PRR5L: variants seen among roughly 807,000 people sequenced by gnomAD.
PRR5L encodes proline rich 5 like, also known as proline-rich protein 5-like.
In PRR5L, 21 loss-of-function variants were observed where a neutral mutation model predicts 36.4. The observed-to-expected ratio is 0.58, with a 90% CI of 0.41 to 0.83. The LOEUF (loss-of-function observed/expected upper bound fraction) is 0.83. Among genes scored for constraint, PRR5L ranks in the 40% least tolerant of loss-of-function variants. PRR5L has a pLI of 0.00. For synonymous variants in PRR5L, 188 were observed against 197.0 expected, an observed-to-expected ratio of 0.95 and a Z score of 0.38; for missense variants, 381 against 473.3, an observed-to-expected ratio of 0.80 and a Z score of 1.81.
intron 8 of PRR5L, among the ~76,000 whole-genome samples, chr11:36,456,794 G>A (rs1414972709): frequency 6.6e-6 from 1 of 152,266 alleles, no homozygotes; most frequent in African/African-American, 2.4e-5. Context: ...TCGTGCCCCT[G>A]ACATGTGAAC....
At chr11:36,445,727 C>G (rs1858814673) in intron 6 of PRR5L, among the ~76,000 whole-genome samples, 1 of 152,134 alleles carries the variant, frequency 6.6e-6, no homozygotes, top group Non-Finnish European at 1.5e-5. Flanking sequence ...TAGAATCATG[C>G]CTAGCACATA....
chr11:36,462,526 C>T lies in PRR5L; in HGVS notation c.897C>T (p.Ile299=). The T allele has an allele frequency of 1.2e-6, 2 of 1,608,558 alleles. No individual in the cohort carries two copies. The highest frequency in any genetic ancestry group is 2.2e-5 in the South Asian group (2 of 90,248). The change falls in exon 9 of 9, where the codon ATC becomes ATT. Residue 299 remains isoleucine (I), a synonymous_variant. Transcript: ENST00000530639. ...RHTVANAHSD[I]QLLAMATMMH... ...CGGTGGCCAATGCCCACTCGGACAT[C>T]CAGCTGCTGGCCATGGCCACCATGA...
Position 36,463,026 on chromosome 11 carries a change from T to G in PRR5L, c.*290T>G, listed in dbSNP as rs1859224821. The G allele has an allele frequency of 3.0e-6, 1 of 329,776 alleles. No individual in the cohort carries two copies. Among genetic ancestry groups the G allele is most frequent in the Non-Finnish European group, 5.5e-6 (1 of 181,140 alleles). 20.4% of individuals were successfully genotyped at this position (329,776 alleles called of 1,614,324 possible). Reference sequence around the variant, plus strand: ...TCAGATCCTCATCTCTGGGCCTTTCTCCCTCCGATGTTGGACTGCCTGATG... The same window carrying G: ...TCAGATCCTCATCTCTGGGCCTTTCGCCCTCCGATGTTGGACTGCCTGATG... On this transcript the variant is annotated 3_prime_UTR_variant, in exon 9 of 9. Transcript: ENST00000530639.
intron 2 of PRR5L, 69 bp downstream of exon 2, chr11:36,401,354 G>A: frequency 6.9e-7 from 1 of 1,457,490 alleles, no homozygotes; most frequent in Admixed American, 1.9e-5. Context: ...GGCATCCGGG[G>A]GCTGACTGAG....
chr11:36,296,297 G>A lies in PRR5L; in HGVS notation c.-267G>A, dbSNP rs1856310513. On this transcript the variant is annotated 5_prime_UTR_variant, in exon 1 of 9. Coordinates refer to ENST00000530639, the MANE Select transcript of PRR5L (RefSeq NM_001160167.2). The stretch of plus-strand genomic sequence containing the variant: ...TGCCTGCTTCTCTGTCAGTCTTCAG[G>A]CCCCAGGTCAGTGAGTGGCAAGCCA... 1 of 152,074 alleles carries A rather than the reference G, an allele frequency of 6.6e-6. No homozygotes were observed. Among genetic ancestry groups the A allele is most frequent in the African/African-American group, 2.4e-5 (1 of 41,378 alleles). The allele number at this position is 152,074 out of a possible 1,614,324, so 9.4% of individuals were successfully genotyped here.
chr11:36,323,497 A>T (rs905712113), intron 1 of PRR5L: 1 of 152,204 alleles, frequency 6.6e-6, no homozygotes, highest in African/African-American at 2.4e-5. Flanking sequence ...TCCAACTGCA[A>T]CCAGAGTTGA....
intron 8 of PRR5L, among the ~76,000 whole-genome samples, chr11:36,456,753 G>T (rs1859066098): frequency 6.6e-6 from 1 of 152,232 alleles, no homozygotes; most frequent in African/African-American, 2.4e-5. Flanking sequence ...AGCATATCAT[G>T]GATGCTTAGT....
Position 36,371,514 on chromosome 11 carries a change from G to A in PRR5L, c.-125-29483G>A, listed in dbSNP as rs546425769. Among the ~76,000 whole-genome samples, 3 of 152,288 alleles carry A rather than the reference G, an allele frequency of 2.0e-5. No homozygotes were observed. In the East Asian group the frequency reaches 5.8e-4, roughly 29 times the overall value. On this transcript the variant is annotated intron_variant, in intron 1 of 8. Transcript: ENST00000530639. ...TGTGTTCTTATGTTGCACACGGCTG[G>A]GAGATCTACTTGTGCTCCTCACAAG... is the stretch of plus-strand genomic sequence containing the variant.
At chr11:36,390,237 G>A (rs560987051) in intron 1 of PRR5L, among the ~76,000 whole-genome samples, 34 of 152,190 alleles carry the variant, frequency 2.2e-4, no homozygotes, top group African/African-American at 7.7e-4. Flanking sequence ...TATAAAGGGG[G>A]TGCAGGTTTG....
intron 1 of PRR5L, among the ~76,000 whole-genome samples, chr11:36,362,488 G>A (rs1857100847): frequency 6.6e-6 from 1 of 152,060 alleles, no homozygotes; most frequent in African/African-American, 2.4e-5. Context: ...GAGAACCGGA[G>A]ACAGTATCTT....
chr11:36,402,476 C>G (rs1857817887), intron 2 of PRR5L, among the ~76,000 whole-genome samples: 1 of 152,204 alleles, frequency 6.6e-6, no homozygotes, highest in Admixed American at 6.5e-5. Context: ...CTCCTGACCT[C>G]AAGTGATCCA....
intron 1 of PRR5L, among the ~76,000 whole-genome samples, chr11:36,316,487 G>A (rs1191498302): frequency 6.6e-6 from 1 of 152,166 alleles, no homozygotes. Flanking sequence ...AATTTAGCAA[G>A]TAGGGGCTTG....
At chr11:36,385,230 C>A (rs968222047) in intron 1 of PRR5L, among the ~76,000 whole-genome samples, 1 of 152,170 alleles carries the variant, frequency 6.6e-6, no homozygotes, top group African/African-American at 2.4e-5. Context: ...TTTTGGCTTA[C>A]CATCTGGTAG....
intron 1 of PRR5L, chr11:36,381,626 A>G (rs1267435751): frequency 5.9e-5 from 9 of 152,098 alleles, no homozygotes; most frequent in African/African-American, 1.9e-4. Flanking sequence ...AACTGGCTCA[A>G]TATCATTCCC....
rs1007529997 is a variant in PRR5L at position 36,464,436 on chromosome 11, A to C, written c.*1700A>C. On this transcript the variant is annotated 3_prime_UTR_variant, in exon 9 of 9. Transcript: ENST00000530639. Reference sequence around the variant, plus strand: ...TGATGGCTGGGAATTTAGAAATTTTATTTTAAGAGTTATTTCATTTTCATC... The same window carrying C: ...TGATGGCTGGGAATTTAGAAATTTTCTTTTAAGAGTTATTTCATTTTCATC... The C allele has an allele frequency of 6.6e-6, 1 of 152,166 alleles. No homozygotes were observed. Among genetic ancestry groups the C allele is most frequent in the African/African-American group, 2.4e-5 (1 of 41,422 alleles). The allele number at this position is 152,166 out of a possible 1,614,324, so 9.4% of individuals were successfully genotyped here. A position where few individuals can be genotyped will look rare whatever the true frequency, so the allele number is the denominator to read the frequency against.
intron 3 of PRR5L, among the ~76,000 whole-genome samples, chr11:36,411,676 C>G (rs1216392240): frequency 6.6e-6 from 1 of 152,148 alleles, no homozygotes; most frequent in African/African-American, 2.4e-5. Context: ...AAACAGATGG[C>G]ATATGGGGGC....
At chr11:36,359,516 C>T (rs927145476) in intron 1 of PRR5L, among the ~76,000 whole-genome samples, 3 of 152,102 alleles carry the variant, frequency 2.0e-5, no homozygotes, top group Non-Finnish European at 2.9e-5. Flanking sequence ...TTTAGGAAGA[C>T]ACAAATGTTT....
intron 1 of PRR5L, among the ~76,000 whole-genome samples, chr11:36,351,423 TTATATATTTATATATACA>T (rs1856949072): frequency 1.9e-5 from 1 of 53,954 alleles, no homozygotes; most frequent in Non-Finnish European, 3.1e-5. Context: ...GTATATATAT[TTATATATTTATATATACA>T]TATATATTTA....
chr11:36,429,723 C>T (rs932318563), intron 4 of PRR5L, among the ~76,000 whole-genome samples: 1 of 152,076 alleles, frequency 6.6e-6, no homozygotes. Flanking sequence ...GCTAAGGGGA[C>T]GTTCTGAGAA....
Sources: allele counts gnomAD v4.1 joint callset (sites outside exome capture counted in the v4.1 genomes callset), GRCh38; gene constraint gnomAD v4.1.1; transcripts MANE v1.5; gene names NCBI Gene and HGNC (gene_info 2026-07-23, HGNC 2026-07-21).